The following COP1 variants were observed in gnomAD, a reference collection of about 807,000 sequenced individuals.
The protein encoded by COP1 is COP1 E3 ubiquitin ligase, also known as E3 ubiquitin-protein ligase COP1.
In COP1, 24 loss-of-function variants were observed where a neutral mutation model predicts 101.3. That is an observed-to-expected ratio of 0.24 (90% CI 0.17 to 0.33). The LOEUF is 0.33. COP1 is among the 10% of genes least tolerant of loss of function. The pLI, the probability that COP1 is intolerant of heterozygous loss-of-function variation, is 1.00. For synonymous variants in COP1, 347 were observed against 341.9 expected (o/e 1.01, Z -0.17); for missense variants, 663 against 906.2 (o/e 0.73, Z 3.45).
chr1:176,152,841 A>G (rs559706165), intron 5 of COP1, among the ~76,000 whole-genome samples: 1 of 152,224 alleles, frequency 6.6e-6, no homozygotes, highest in Non-Finnish European at 1.5e-5. Flanking sequence ...TTTCACAAAC[A>G]GGAGTCATCA....
At chr1:176,160,274 T>C in intron 5 of COP1, 1 of 412,096 alleles carries the variant, frequency 2.4e-6, no homozygotes, top group Admixed American at 2.8e-5. Flanking sequence ...TTTTTTTTTT[T>C]TTTTTTTTTA....
chr1:176,155,262 A>G (rs977702163), intron 5 of COP1, among the ~76,000 whole-genome samples: 2 of 152,124 alleles, frequency 1.3e-5, no homozygotes, highest in Non-Finnish European at 2.9e-5. Flanking sequence ...GCCCCAGTTA[A>G]GCTGAATTCC....
chr1:176,154,342 T>C (rs979253436), intron 5 of COP1, among the ~76,000 whole-genome samples: 4 of 152,198 alleles, frequency 2.6e-5, no homozygotes, highest in African/African-American at 9.6e-5. Flanking sequence ...TGCACATGTA[T>C]GTTCACTGCA....
intron 14 of COP1, among the ~76,000 whole-genome samples, chr1:176,041,066 T>C (rs899536277): frequency 1.3e-5 from 2 of 152,174 alleles, no homozygotes; most frequent in Non-Finnish European, 2.9e-5. Flanking sequence ...CAAAAAGTGA[T>C]GTAGAATTTT....
At chr1:176,097,490 T>C (rs901282356) in intron 9 of COP1, among the ~76,000 whole-genome samples, 5 of 152,184 alleles carry the variant, frequency 3.3e-5, no homozygotes, top group Admixed American at 6.5e-5. Context: ...CTTATGGCAA[T>C]TGGGTTTTCT....
chr1:176,027,981 G>C (rs1016294647), intron 14 of COP1, among the ~76,000 whole-genome samples: 5 of 152,002 alleles, frequency 3.3e-5, no homozygotes, highest in Non-Finnish European at 7.4e-5. Context: ...AGGTGAATGA[G>C]GAGCAAAGTC....
intron 15 of COP1, among the ~76,000 whole-genome samples, chr1:176,020,969 T>C (rs2149024253): frequency 6.6e-6 from 1 of 152,256 alleles, no homozygotes; most frequent in South Asian, 2.1e-4. Flanking sequence ...AGAAATCAGC[T>C]TCTTTCTTCT....
At chr1:176,158,145 C>A (rs1462032644) in intron 5 of COP1, among the ~76,000 whole-genome samples, 1 of 151,592 alleles carries the variant, frequency 6.6e-6, no homozygotes. Flanking sequence ...AACACTTACA[C>A]CCATAAAAAG....
chr1:175,947,129 T>G, intron 19 of COP1, 66 bp downstream of exon 19: 1 of 1,069,154 alleles, frequency 9.4e-7, no homozygotes, highest in Non-Finnish European at 1.5e-6. Flanking sequence ...ATGGTGTATT[T>G]CTATAATCCT....
rs147499353 is a variant in COP1 at position 176,204,796 on chromosome 1, G to A, written c.407+1776C>T. Among the ~76,000 whole-genome samples the A allele has an allele frequency of 2.6e-3, 396 of 152,168 alleles. 3 individuals are homozygous for A. Among genetic ancestry groups the A allele is most frequent in the African/African-American group, 9.1e-3 (378 of 41,518 alleles). ...AAAAATTAGGCAGGTGTGGTGGCAG[G>A]TGCCTGTAATCCCAGCTACTACTCG... On this transcript the variant is annotated intron_variant, in intron 1 of 19. Coordinates refer to ENST00000367669, the MANE Select transcript of COP1 (RefSeq NM_022457.7).
intron 11 of COP1, among the ~76,000 whole-genome samples, chr1:176,077,826 A>G (rs1249129950): frequency 6.6e-6 from 1 of 152,190 alleles, no homozygotes; most frequent in Non-Finnish European, 1.5e-5. Context: ...AAATCGATGT[A>G]CAAAACTTGG....
intron 8 of COP1, among the ~76,000 whole-genome samples, chr1:176,126,266 T>C (rs192157875): frequency 5.8e-4 from 88 of 152,298 alleles, no homozygotes; most frequent in African/African-American, 7.0e-4. Flanking sequence ...TTGAGTAACA[T>C]TGGTGAAAGT....
chr1:176,015,942 G>T (rs1665551554), intron 15 of COP1, among the ~76,000 whole-genome samples: 1 of 152,162 alleles, frequency 6.6e-6, no homozygotes, highest in Non-Finnish European at 1.5e-5. Flanking sequence ...AAAAGAGGAT[G>T]ACATTTAGTA....
chr1:176,147,660 T>C (rs138986781), intron 6 of COP1, among the ~76,000 whole-genome samples: 67 of 152,290 alleles, frequency 4.4e-4, no homozygotes, highest in African/African-American at 1.5e-3. Context: ...TTCTACGGCA[T>C]GATTCATCCA....
intron 9 of COP1, among the ~76,000 whole-genome samples, chr1:176,091,738 CG>C (rs1019837353): frequency 2.8e-4 from 42 of 149,812 alleles, no homozygotes; most frequent in African/African-American, 8.4e-4. Flanking sequence ...GAGGTAAAAA[CG>C]TAAGAAAAAA....
intron 8 of COP1, among the ~76,000 whole-genome samples, chr1:176,127,142 T>C (rs941487640): frequency 6.6e-6 from 1 of 152,198 alleles, no homozygotes; most frequent in Non-Finnish European, 1.5e-5. Context: ...AATATTTTGA[T>C]CCTTGCATAC....
At chr1:176,111,096 A>G (rs1685203334) in intron 9 of COP1, among the ~76,000 whole-genome samples, 1 of 152,024 alleles carries the variant, frequency 6.6e-6, no homozygotes, top group Admixed American at 6.6e-5. Flanking sequence ...AGGTTGCAGT[A>G]AGCTGAGATG....
intron 15 of COP1, among the ~76,000 whole-genome samples, chr1:176,021,765 C>G (rs1411566297): frequency 1.3e-5 from 2 of 152,084 alleles, no homozygotes; most frequent in East Asian, 3.9e-4. Flanking sequence ...TTATGGGAAG[C>G]TGTCAAAATC....
intron 15 of COP1, among the ~76,000 whole-genome samples, chr1:176,004,917 A>C (rs1662717952): frequency 6.6e-6 from 1 of 151,710 alleles, no homozygotes; most frequent in African/African-American, 2.4e-5. Context: ...GAATAGTTTC[A>C]GAAGGAATGG....
Sources: gnomAD v4.1 joint callset for allele counts (sites outside exome capture counted in the v4.1 genomes callset) on GRCh38, gnomAD v4.1.1 for gene constraint, MANE v1.5 for transcripts, NCBI Gene and HGNC (gene_info 2026-07-23, HGNC 2026-07-21) for gene names.